Variants in TTC13 observed in about 807,000 individuals in gnomAD.
The protein encoded by TTC13 is tetratricopeptide repeat protein 13.
Under a neutral mutation model 120.0 loss-of-function variants are expected in TTC13, and 62 were observed. That is an observed-to-expected ratio of 0.52 (90% CI 0.42 to 0.64). The LOEUF (loss-of-function observed/expected upper bound fraction) is 0.64, where lower values mean the gene tolerates loss of function less well. Among genes scored for constraint, TTC13 ranks in the 30% least tolerant of loss-of-function variants. TTC13 has a pLI of 0.00. For synonymous variants in TTC13, 384 were observed against 393.5 expected (o/e 0.98, Z 0.28); for missense variants, 824 against 1,050.2 (o/e 0.78, Z 2.98).
chr1:230,949,843 G>A (rs1407434211), intron 4 of TTC13, among the ~76,000 whole-genome samples: 2 of 152,010 alleles, frequency 1.3e-5, no homozygotes, highest in Admixed American at 1.3e-4. Flanking sequence ...TAGAGACGGG[G>A]TTTCACCATG....
intron 9 of TTC13, 78 bp from the exon 10 acceptor site, chr1:230,931,955 G>T: frequency 7.1e-7 from 1 of 1,406,266 alleles, no homozygotes; most frequent in Non-Finnish European, 9.8e-7. Flanking sequence ...TCAGAATTAT[G>T]GACCAATATG....
rs544666236 is a variant in TTC13 at position 230,960,956 on chromosome 1, A to C, written c.366+253T>G. The stretch of plus-strand genomic sequence containing the variant: ...ACCTACAAATACACAAGGCTGCTAG[A>C]AATAAGGTTTAACTATAATGTCCCT... On this transcript the variant is annotated intron_variant, in intron 2 of 22. Transcript: ENST00000366661. Among the ~76,000 whole-genome samples the C allele has an allele frequency of 6.6e-5, 10 of 152,370 alleles. No individual in the cohort carries two copies. The South Asian group carries it at 2.1e-3, about 32-fold the overall frequency.
At position 230,976,315 on chromosome 1, in the gene TTC13, C is replaced by T. The variant is rs143955198; in HGVS notation, c.271+2245G>A. On this transcript the variant is annotated intron_variant, in intron 1 of 22. Transcript: ENST00000366661. ...ATCAGCTGCCCCTCAGGCTATGGCACGGTTAGTTGTAAATCCCGAATTCAT... is the reference window on the plus strand; with the variant it reads ...ATCAGCTGCCCCTCAGGCTATGGCATGGTTAGTTGTAAATCCCGAATTCAT... Among the ~76,000 whole-genome samples the T allele has an allele frequency of 2.9e-3, 449 of 152,224 alleles. 3 individuals are homozygous for T. Among genetic ancestry groups the T allele is most frequent in the African/African-American group, 0.01 (421 of 41,514 alleles).
At chr1:230,977,417 ATTCT>A (rs1678429999) in intron 1 of TTC13, among the ~76,000 whole-genome samples, 1 of 152,202 alleles carries the variant, frequency 6.6e-6, no homozygotes, top group Non-Finnish European at 1.5e-5. Flanking sequence ...AGTAAATGCC[ATTCT>A]TTCTCCACCG....
Position 230,940,416 on chromosome 1 carries a change from T to C in TTC13, c.789+24A>G. 1 of 1,447,180 alleles carries C rather than the reference T, an allele frequency of 6.9e-7. No individual in the cohort carries two copies. Among genetic ancestry groups the C allele is most frequent in the Non-Finnish European group, 9.6e-7 (1 of 1,036,662 alleles). The allele number at this position is 1,447,180 out of a possible 1,614,324, so 89.6% of individuals were successfully genotyped here. ...AATGAAATCTTCATCATCATAAAAA[T>C]ACTTCAAGACAAAAACCAGTCACCT... On this transcript the variant is annotated intron_variant, in intron 7 of 22. Coordinates refer to ENST00000366661, the MANE Select transcript of TTC13 (RefSeq NM_024525.5). This position sits in a 1 kb window ranked among gnomAD's most constrained non-coding sequence, Gnocchi z 4.1.
chr1:230,924,959 C>T lies in TTC13; in HGVS notation c.1603G>A (p.Ala535Thr), dbSNP rs369527651. 24 of 1,614,162 alleles carry T rather than the reference C, an allele frequency of 1.5e-5. No individual in the cohort carries two copies. Among genetic ancestry groups the T allele is most frequent in the South Asian group, 1.3e-4 (12 of 91,084 alleles). The stretch of plus-strand genomic sequence containing the variant: ...TGCACGGCTTGCATGACCTCCAATG[C>T]GGCCAAACCCATAGCTACGAGAAAG... ...KRIHRAMGLA[A>T]LEVMQAVQRT... The change falls in exon 14 of 23, where the codon GCA becomes ACA. Residue 535 changes from alanine to threonine, a missense_variant. Physicochemically the swap from Ala to Thr is moderately conservative, Grantham distance 58. Around this residue, in one of 4 missense-constraint regions of TTC13, gnomAD observed 430 missense variants for 626.8 expected, o/e 0.69. Coordinates refer to ENST00000366661, the MANE Select transcript of TTC13 (RefSeq NM_024525.5).
At chr1:230,931,947 A>G in intron 9 of TTC13, 70 bp from the exon 10 acceptor site, 1 of 1,481,542 alleles carries the variant, frequency 6.7e-7, no homozygotes, top group Non-Finnish European at 9.3e-7. Flanking sequence ...AGCTATCCTC[A>G]GAATTATGGA....
In TTC13 at chr1:230,943,918, A is replaced by C. The variant is rs1208087942; in HGVS notation, c.580-20T>G. On this transcript the variant is annotated intron_variant, in intron 5 of 22. Coordinates refer to ENST00000366661, the MANE Select transcript of TTC13 (RefSeq NM_024525.5). ...AATGTCCTTGAAAAGGCATTAGCTT[A>C]GTATGAGACATACTGTTACTCAAAA... The C allele has an allele frequency of 6.4e-7, 1 of 1,568,430 alleles. No homozygotes were observed. Among genetic ancestry groups the C allele is most frequent in the Non-Finnish European group, 8.7e-7 (1 of 1,149,580 alleles).
At chr1:230,952,814 T>C (rs1215591025) in intron 4 of TTC13, among the ~76,000 whole-genome samples, 1 of 152,186 alleles carries the variant, frequency 6.6e-6, no homozygotes, top group Non-Finnish European at 1.5e-5. Context: ...AATGCATACT[T>C]TGAAAAGGCA....
chr1:230,950,616 C>T (rs758419821), intron 4 of TTC13, among the ~76,000 whole-genome samples: 1 of 152,138 alleles, frequency 6.6e-6, no homozygotes, highest in African/African-American at 2.4e-5. Flanking sequence ...TTAGATTTCA[C>T]CTAAGTGACG....
At chr1:230,924,744 C>T in intron 14 of TTC13, 97 bp downstream of exon 14, 1 of 1,441,408 alleles carries the variant, frequency 6.9e-7, no homozygotes, top group Non-Finnish European at 9.6e-7. Flanking sequence ...CTGGTGTTAG[C>T]AAGCAAAACA....
At chr1:230,955,031 G>A (rs1675924354) in intron 3 of TTC13, among the ~76,000 whole-genome samples, 3 of 152,136 alleles carry the variant, frequency 2.0e-5, no homozygotes. Flanking sequence ...ACGTTGTTTA[G>A]GAAAGTGGTA....
At chr1:230,916,451 G>A in intron 17 of TTC13, 149 bp from the exon 18 acceptor site, 1 of 661,438 alleles carries the variant, frequency 1.5e-6, no homozygotes, top group Non-Finnish European at 2.7e-6. Flanking sequence ...GGTGGCCAAG[G>A]ACATCTCTGC....
intron 1 of TTC13, among the ~76,000 whole-genome samples, chr1:230,964,895 T>C (rs1676982793): frequency 1.3e-5 from 2 of 152,184 alleles, no homozygotes; most frequent in Non-Finnish European, 2.9e-5. Flanking sequence ...GTCTTTTCAA[T>C]AAATGGTGCT....
intron 3 of TTC13, 101 bp from the exon 4 acceptor site, chr1:230,954,504 C>T: frequency 2.3e-6 from 2 of 861,484 alleles, no homozygotes; most frequent in Non-Finnish European, 3.6e-6. Context: ...CAGCTCCAAG[C>T]ACTGGAAGCA....
chr1:230,907,996 T>TTCCTGGCTGCTGTAAAAC (rs1671103412), intron 22 of TTC13, among the ~76,000 whole-genome samples: 2 of 152,038 alleles, frequency 1.3e-5, no homozygotes, highest in African/African-American at 2.4e-5. Flanking sequence ...TCAGGGATAA[T>TTCCTGGCTGCTGTAAAAC]TCCTGGCTGC....
At chr1:230,952,099 C>T (rs1675648681) in intron 4 of TTC13, among the ~76,000 whole-genome samples, 2 of 152,122 alleles carry the variant, frequency 1.3e-5, no homozygotes, top group Non-Finnish European at 1.5e-5. Context: ...ATCGAATCTT[C>T]GTATTTTCTT....
intron 13 of TTC13, 86 bp from the exon 14 acceptor site, chr1:230,925,059 A>T: frequency 2.0e-6 from 3 of 1,505,880 alleles, no homozygotes; most frequent in Non-Finnish European, 2.8e-6. Context: ...TGATAACTCA[A>T]GAGTTAACAC....
chr1:230,924,256 T>C (rs1273707722), intron 14 of TTC13, among the ~76,000 whole-genome samples: 1 of 152,238 alleles, frequency 6.6e-6, no homozygotes, highest in Non-Finnish European at 1.5e-5. Flanking sequence ...CCACAGGTAA[T>C]GGATCTGTTC....
Sources: allele counts gnomAD v4.1 joint callset (sites outside exome capture counted in the v4.1 genomes callset), GRCh38; gene constraint gnomAD v4.1.1; regional missense constraint gnomAD v4.1.1; non-coding constraint Gnocchi (gnomAD v3.1); transcripts MANE v1.5; gene names NCBI Gene and HGNC (gene_info 2026-07-23, HGNC 2026-07-21).